The following COL18A1 variants were observed in gnomAD, a reference collection of about 807,000 sequenced individuals.
COL18A1 encodes collagen alpha-1(XVIII) chain.
Under a neutral mutation model 168.0 loss-of-function variants are expected in COL18A1, and 133 were observed. That is an observed-to-expected ratio of 0.79 (90% CI 0.69 to 0.91). The LOEUF (loss-of-function observed/expected upper bound fraction) is 0.91, where lower values mean the gene tolerates loss of function less well. Among genes scored for constraint, COL18A1 ranks in the 40% least tolerant of loss-of-function variants. COL18A1 has a pLI of 0.00. For synonymous variants in COL18A1, 949 were observed against 809.0 expected (o/e 1.17, Z -2.94); for missense variants, 2,126 against 1,925.4 (o/e 1.10, Z -1.95).
intron 24 of COL18A1, among the ~76,000 whole-genome samples, 163 bp from the exon 25 acceptor site, chr21:45,493,000 G>T (rs1032348248): frequency 6.6e-6 from 1 of 151,800 alleles, no homozygotes; most frequent in African/African-American, 2.4e-5. Context: ...GGTCACCTGC[G>T]GAGGCCTGCA....
chr21:45,428,043 C>T (rs62216298), intron 2 of COL18A1, among the ~76,000 whole-genome samples: 25 of 152,218 alleles, frequency 1.6e-4, no homozygotes, highest in African/African-American at 5.3e-4. Flanking sequence ...CCACTGCTCG[C>T]GCCGGCCAAG....
At chr21:45,459,346 TG>T (rs993822263) in intron 2 of COL18A1, among the ~76,000 whole-genome samples, 2 of 152,018 alleles carry the variant, frequency 1.3e-5, no homozygotes, top group Non-Finnish European at 2.9e-5. Context: ...GCCCCGAAAG[TG>T]GGGGTGCTGG....
chr21:45,493,844 T>G, intron 26 of COL18A1: 1 of 508,930 alleles, frequency 2.0e-6, no homozygotes, highest in Non-Finnish European at 3.6e-6. Flanking sequence ...GCTGCAGCTC[T>G]GAGCTCGCGC....
Position 45,455,542 on chromosome 21 carries a change from C to T in COL18A1, c.107-12700C>T, listed in dbSNP as rs749775709. On this transcript the variant is annotated intron_variant, in intron 2 of 41. Transcript: ENST00000651438. ...GCCGCACTGCCCCGATGGCTCCCTA[C>T]CCCTGTGGCTGCCACATCCTGCTGC... 6 of 1,613,280 alleles carry T rather than the reference C, an allele frequency of 3.7e-6. No homozygotes were observed. Among genetic ancestry groups the T allele is most frequent in the East Asian group, 2.2e-5 (1 of 44,898 alleles).
At chr21:45,448,900 T>G (rs912337954) in intron 2 of COL18A1, among the ~76,000 whole-genome samples, 1 of 152,016 alleles carries the variant, frequency 6.6e-6, no homozygotes, top group Non-Finnish European at 1.5e-5. Context: ...AACGTGGCAG[T>G]CCAGCTGGGT....
At chr21:45,482,206 T>G in intron 14 of COL18A1, 181 bp downstream of exon 14, 1 of 624,540 alleles carries the variant, frequency 1.6e-6, no homozygotes, top group Non-Finnish European at 2.9e-6. Flanking sequence ...GGGGCTTGGG[T>G]AGAAATTCAT....
chr21:45,492,701 C>G lies in COL18A1; in HGVS notation c.2202C>G (p.Phe734Leu). The change falls in exon 24 of 42, where the codon TTC (phenylalanine) becomes TTG (leucine). Residue 734 changes from phenylalanine (F) to leucine (L), a missense_variant. By Grantham distance (22) the Phe-to-Leu change is conservative (BLOSUM62 0). Transcript: ENST00000651438. ...TCTTTCCCCAGGGCCGGCCGGGTTT[C>G]GCAGGCTTTCCCGTGAGTAACCTGG... is the stretch of plus-strand genomic sequence containing the variant. ...SVPGPEGRPG[F>L]AGFPGPAGPK... The G allele has an allele frequency of 6.2e-7, 1 of 1,609,796 alleles. No individual in the cohort carries two copies. The highest frequency in any genetic ancestry group is 8.5e-7 in the Non-Finnish European group (1 of 1,179,122).
chr21:45,467,410 G>T (rs1018477075), intron 2 of COL18A1: 80 of 984,484 alleles, frequency 8.1e-5, no homozygotes, highest in Non-Finnish European at 9.4e-5. Flanking sequence ...GGAGACTGTG[G>T]CACGTTGGCA....
chr21:45,484,556 C>A (rs1319426241), intron 15 of COL18A1, among the ~76,000 whole-genome samples: 1 of 152,248 alleles, frequency 6.6e-6, no homozygotes, highest in Non-Finnish European at 1.5e-5. Context: ...GCACACAGCT[C>A]TCATGTATGT....
chr21:45,418,032 C>A (rs1372599468), intron 2 of COL18A1, among the ~76,000 whole-genome samples: 1 of 152,228 alleles, frequency 6.6e-6, no homozygotes, highest in Non-Finnish European at 1.5e-5. Flanking sequence ...GGGCAGGTGC[C>A]TGTTCGTTAA....
chr21:45,490,190 C>T (rs1440180968), intron 19 of COL18A1, 85 bp from the exon 20 acceptor site: 4 of 1,161,688 alleles, frequency 3.4e-6, no homozygotes, highest in African/African-American at 1.6e-5. Context: ...TCGCCACGTC[C>T]ACGGGTGCCC....
chr21:45,446,335 A>G (rs1429285822), intron 2 of COL18A1, among the ~76,000 whole-genome samples: 2 of 152,240 alleles, frequency 1.3e-5, no homozygotes, highest in East Asian at 3.8e-4. Flanking sequence ...TCGCATTGTA[A>G]GTCTTAAAAC....
In COL18A1 at chr21:45,405,410, C is replaced by T; in HGVS notation, c.43C>T (p.Leu15Phe). ...CTGGCCATGGCCGCGGCGGCGGCGC[C>T]TCCTGGACGTGCTCGCGCCCCTGGT... ...CPWPWPRRRR[L>F]LDVLAPLVLL... The change falls in exon 2 of 42, where the codon CTC (leucine) becomes TTC (phenylalanine). Residue 15 changes from leucine (L) to phenylalanine (F), a missense_variant. Transcript: ENST00000651438. The T allele has an allele frequency of 7.4e-7, 1 of 1,345,444 alleles. No individual in the cohort carries two copies. The highest frequency in any genetic ancestry group is 1.7e-5 in the South Asian group (1 of 58,180). The allele number at this position is 1,345,444 out of a possible 1,614,324, so 83.3% of individuals were successfully genotyped here.
At position 45,480,829 on chromosome 21, in the gene COL18A1, G is replaced by A. The variant is rs1271658589; in HGVS notation, c.1582G>A (p.Glu528Lys). The change falls in exon 13 of 42, where the codon GAG becomes AAG. Residue 528 changes from glutamate to lysine, a missense_variant. Glu to Lys is a moderately conservative substitution (Grantham distance 56). Transcript: ENST00000651438. ...PAGLPGVPGR[E>K]GPPGFPGLPG... is the part of the protein sequence containing the mutation. The stretch of plus-strand genomic sequence containing the variant: ...CGGCCTTCCTGGTGTGCCTGGGCGC[G>A]AGGGTCCCCCCGGGTTTCCTGGCCT... The A allele has an allele frequency of 1.2e-5, 19 of 1,611,512 alleles. No individual in the cohort carries two copies. Among genetic ancestry groups the A allele is most frequent in the African/African-American group, 5.3e-5 (4 of 74,892 alleles).
intron 5 of COL18A1, 65 bp from the exon 6 acceptor site, chr21:45,476,285 AC>A (rs2035646540): frequency 1.2e-6 from 2 of 1,608,894 alleles, no homozygotes; most frequent in East Asian, 4.5e-5. Flanking sequence ...CATTTCACAA[AC>A]CAAGCAAGTC....
chr21:45,477,601 G>T, intron 7 of COL18A1, 114 bp downstream of exon 7: 3 of 1,297,330 alleles, frequency 2.3e-6, no homozygotes, highest in Non-Finnish European at 3.3e-6. Flanking sequence ...CCTCCTTTGT[G>T]CCCAGCACTC....
chr21:45,505,297 G>C lies in COL18A1; in HGVS notation c.3013+19G>C. The C allele has an allele frequency of 6.2e-7, 1 of 1,606,924 alleles. No homozygotes were observed. Among genetic ancestry groups the C allele is most frequent in the South Asian group, 1.1e-5 (1 of 90,812 alleles). On this transcript the variant is annotated intron_variant, in intron 35 of 41. Transcript: ENST00000651438. ...AGGCAGAGTAAGTCAGTGGGGAGTGGGCCCCGGGCAGAGGCCGCCTCGTGT... is the reference window on the plus strand; with the variant it reads ...AGGCAGAGTAAGTCAGTGGGGAGTGCGCCCCGGGCAGAGGCCGCCTCGTGT...
At chr21:45,469,622 T>C (rs2145894376) in intron 3 of COL18A1, among the ~76,000 whole-genome samples, 1 of 152,304 alleles carries the variant, frequency 6.6e-6, no homozygotes, top group East Asian at 1.9e-4. Context: ...GCCCCTGCAT[T>C]TCTGGGAACC....
intron 26 of COL18A1, 109 bp from the exon 27 acceptor site, chr21:45,494,436 G>T (rs1401292221): frequency 2.0e-6 from 3 of 1,519,336 alleles, no homozygotes; most frequent in Non-Finnish European, 2.7e-6. Context: ...GCTATCAGGT[G>T]GGGCACAAGC....
Sources: gnomAD v4.1 joint callset for allele counts (sites outside exome capture counted in the v4.1 genomes callset) on GRCh38, gnomAD v4.1.1 for gene constraint, MANE v1.5 for transcripts, NCBI Gene and HGNC (gene_info 2026-07-23, HGNC 2026-07-21) for gene names.